The following NPIPA1 variants were observed in gnomAD, a reference collection of about 807,000 sequenced individuals.
NPIPA1 encodes nuclear pore complex interacting protein family member A1, also known as nuclear pore complex-interacting protein family member A1.
For synonymous variants in NPIPA1, 7 were observed against 88.0 expected (o/e 0.08, Z 5.15); for missense variants, 22 against 232.2 (o/e 0.09, Z 5.88).
intron 4 of NPIPA1, among the ~76,000 whole-genome samples, chr16:14,948,046 T>G (rs1965933981): frequency 6.6e-6 from 1 of 152,240 alleles, no homozygotes; most frequent in Non-Finnish European, 1.5e-5. Flanking sequence ...CGTCCCTGTT[T>G]CCTAGCGTTC....
intron 1 of NPIPA1, among the ~76,000 whole-genome samples, chr16:14,940,263 T>G (rs1965716597): frequency 9.8e-6 from 1 of 102,004 alleles, no homozygotes; most frequent in Admixed American, 1.1e-4. Flanking sequence ...TCATTGTATT[T>G]TTTTTTTTTT....
chr16:14,938,172 C>A, intron 1 of NPIPA1: 2 of 1,469,226 alleles, frequency 1.4e-6, no homozygotes, highest in Admixed American at 2.1e-5. Flanking sequence ...GCCACCTCCA[C>A]CTCTGTCCTG....
chr16:14,945,227 G>A (rs1461599002), intron 2 of NPIPA1, among the ~76,000 whole-genome samples: 1 of 137,748 alleles, frequency 7.3e-6, no homozygotes, highest in African/African-American at 2.8e-5. Context: ...ATTCTTGTGT[G>A]GTGTGTGTGT....
chr16:14,945,015 G>A (rs1345603468), intron 2 of NPIPA1, among the ~76,000 whole-genome samples: 22 of 148,352 alleles, frequency 1.5e-4, no homozygotes, highest in Non-Finnish European at 2.7e-4. Flanking sequence ...GGGTTCAAGT[G>A]ATTCTCCTGC....
At chr16:14,947,847 T>C (rs1221822943) in intron 4 of NPIPA1, among the ~76,000 whole-genome samples, 2 of 152,060 alleles carry the variant, frequency 1.3e-5, no homozygotes, top group African/African-American at 4.8e-5. Context: ...GCAGGAGTAG[T>C]GATGTCCTCA....
At chr16:14,947,704 T>C (rs1445381523) in intron 4 of NPIPA1, among the ~76,000 whole-genome samples, 3 of 152,178 alleles carry the variant, frequency 2.0e-5, no homozygotes, top group Admixed American at 6.6e-5. Context: ...GGGTTTTATA[T>C]TCTGTTTGGT....
chr16:14,940,875 C>T, intron 1 of NPIPA1, among the ~76,000 whole-genome samples: 1 of 119,566 alleles, frequency 8.4e-6, no homozygotes, highest in Non-Finnish European at 1.7e-5. Flanking sequence ...TGCCTGTAAT[C>T]CCAGCACTTT....
intron 4 of NPIPA1, among the ~76,000 whole-genome samples, chr16:14,947,168 T>G (rs1965909733): frequency 6.6e-6 from 1 of 152,268 alleles, no homozygotes; most frequent in Non-Finnish European, 1.5e-5. Context: ...GTCTTTCATG[T>G]TTTGGTCATA....
At chr16:14,947,276 G>T (rs1228565426) in intron 4 of NPIPA1, among the ~76,000 whole-genome samples, 1 of 152,236 alleles carries the variant, frequency 6.6e-6, no homozygotes, top group East Asian at 1.9e-4. Context: ...CTAGTAGCAT[G>T]TTATCTTGCT....
At chr16:14,942,798 G>A (rs1309574315) in intron 2 of NPIPA1, among the ~76,000 whole-genome samples, 4 of 152,268 alleles carry the variant, frequency 2.6e-5, no homozygotes, top group Admixed American at 6.5e-5. Flanking sequence ...TGGCTGCTAA[G>A]TTGTGGCATA....
At chr16:14,945,227 G>T (rs1461599002) in intron 2 of NPIPA1, among the ~76,000 whole-genome samples, 7 of 137,746 alleles carry the variant, frequency 5.1e-5, no homozygotes, top group East Asian at 2.5e-4. Flanking sequence ...ATTCTTGTGT[G>T]GTGTGTGTGT....
At chr16:14,938,453 T>C in intron 1 of NPIPA1, 1 of 873,640 alleles carries the variant, frequency 1.1e-6, no homozygotes. Flanking sequence ...ATCCCAGCAC[T>C]TTAGGGGGCC....
At chr16:14,938,780 C>T (rs1468522248) in intron 1 of NPIPA1, among the ~76,000 whole-genome samples, 1 of 152,062 alleles carries the variant, frequency 6.6e-6, no homozygotes, top group African/African-American at 2.4e-5. Flanking sequence ...ATTCTGTCGC[C>T]CAGGCTGGAG....
chr16:14,944,255 T>A (rs1187897847), intron 2 of NPIPA1, among the ~76,000 whole-genome samples: 2 of 152,224 alleles, frequency 1.3e-5, no homozygotes, highest in African/African-American at 4.8e-5. Context: ...ATATTTAATA[T>A]CTTCGAAGAT....
chr16:14,938,831 G>A (rs543461479), intron 1 of NPIPA1, among the ~76,000 whole-genome samples: 304 of 151,444 alleles, frequency 2.0e-3, no homozygotes, highest in African/African-American at 6.9e-3. Flanking sequence ...CTCCGCTTCC[G>A]GGGTTCAAGC....
chr16:14,937,907 C>T (rs1249644161), intron 1 of NPIPA1, among the ~76,000 whole-genome samples: 2 of 145,882 alleles, frequency 1.4e-5, no homozygotes, highest in South Asian at 2.4e-4. Flanking sequence ...CCTTGCCCCG[C>T]GTGTCCTGTT....
At chr16:14,943,454 CA>C (rs1965802278) in intron 2 of NPIPA1, among the ~76,000 whole-genome samples, 1 of 148,012 alleles carries the variant, frequency 6.8e-6, no homozygotes, top group Non-Finnish European at 1.5e-5. Flanking sequence ...CCACGTGAGC[CA>C]GGGGAAGTTT....
intron 4 of NPIPA1, among the ~76,000 whole-genome samples, chr16:14,947,486 A>G (rs1183824238): frequency 1.3e-5 from 2 of 151,252 alleles, no homozygotes; most frequent in Non-Finnish European, 2.9e-5. Context: ...CAGACCCTCA[A>G]TCCACTTGTT....
chr16:14,948,124 A>G (rs1965936182), intron 4 of NPIPA1, among the ~76,000 whole-genome samples: 1 of 152,062 alleles, frequency 6.6e-6, no homozygotes, highest in Admixed American at 6.6e-5. Flanking sequence ...AGGACCATGA[A>G]TCAAGTGGTG....
Sources: allele counts gnomAD v4.1 joint callset (sites outside exome capture counted in the v4.1 genomes callset), GRCh38; gene constraint gnomAD v4.1.1; transcripts MANE v1.5; gene names NCBI Gene and HGNC (gene_info 2026-07-23, HGNC 2026-07-21).